PDCD6IP: variants seen among roughly 807,000 people sequenced by gnomAD.
PDCD6IP encodes programmed cell death 6-interacting protein.
Under a neutral mutation model 103.7 loss-of-function variants are expected in PDCD6IP, and 43 were observed. The ratio of observed to expected loss-of-function variants is 0.41; its 90% CI spans 0.32 to 0.53. The LOEUF (loss-of-function observed/expected upper bound fraction) is 0.53. Among genes scored for constraint, PDCD6IP ranks in the 20% least tolerant of loss-of-function variants. The probability of loss-of-function intolerance (pLI) is 0.16; values close to 1 mark genes in which losing one functional copy is unlikely to be tolerated. For synonymous variants in PDCD6IP, 354 were observed against 378.7 expected, an observed-to-expected ratio of 0.93 and a Z score of 0.76; for missense variants, 871 against 1,036.7, an observed-to-expected ratio of 0.84 and a Z score of 2.20.
chr3:33,826,712 G>C, intron 6 of PDCD6IP, 132 bp downstream of exon 6: 1 of 1,302,250 alleles, frequency 7.7e-7, no homozygotes, highest in Non-Finnish European at 1.0e-6. Context: ...GTATATAGTA[G>C]AAATAGTTTT....
chr3:33,824,813 A>G (rs1232179744), intron 4 of PDCD6IP, among the ~76,000 whole-genome samples: 1 of 152,206 alleles, frequency 6.6e-6, no homozygotes, highest in Admixed American at 6.5e-5. Context: ...TATTTGAAAG[A>G]TGAATTTGTT....
chr3:33,810,704 G>C (rs1696697343), intron 1 of PDCD6IP, among the ~76,000 whole-genome samples: 1 of 152,140 alleles, frequency 6.6e-6, no homozygotes, highest in African/African-American at 2.4e-5. Context: ...CAGCTCAGGG[G>C]CTAAAGTGGG....
At chr3:33,864,193 G>A (rs771973927) in intron 16 of PDCD6IP, 64 bp downstream of exon 16, 136 of 978,184 alleles carry the variant, frequency 1.4e-4, no homozygotes, top group Non-Finnish European at 2.0e-4. Flanking sequence ...TTGTTCTAAC[G>A]GATAAAACAT....
intron 15 of PDCD6IP, among the ~76,000 whole-genome samples, chr3:33,858,734 C>T (rs752894981): frequency 8.6e-5 from 13 of 151,726 alleles, no homozygotes; most frequent in Non-Finnish European, 1.8e-4. Flanking sequence ...GGCGTGAACC[C>T]GGGAGGCGGA....
intron 3 of PDCD6IP, among the ~76,000 whole-genome samples, chr3:33,814,486 C>T (rs1167026411): frequency 6.9e-6 from 1 of 145,668 alleles, no homozygotes; most frequent in Non-Finnish European, 1.5e-5. Flanking sequence ...GTCCTAAGAA[C>T]AGTGCTTTAT....
intron 1 of PDCD6IP, among the ~76,000 whole-genome samples, chr3:33,801,805 A>G (rs1274503680): frequency 6.6e-6 from 1 of 152,178 alleles, no homozygotes; most frequent in Non-Finnish European, 1.5e-5. Context: ...TATACCATTT[A>G]CCAGCATTGT....
At chr3:33,863,746 A>G (rs1301388151) in intron 15 of PDCD6IP, 3 of 425,902 alleles carry the variant, frequency 7.0e-6, no homozygotes, top group South Asian at 5.9e-5. Flanking sequence ...TCTTCAGTAT[A>G]TGGATATCCT....
intron 1 of PDCD6IP, among the ~76,000 whole-genome samples, chr3:33,805,139 G>A (rs1466149933): frequency 2.6e-5 from 4 of 151,870 alleles, no homozygotes; most frequent in African/African-American, 7.3e-5. Flanking sequence ...GGTGGATCAC[G>A]AGGTCAGGAG....
At chr3:33,855,357 A>G (rs1424695308) in intron 15 of PDCD6IP, 97 bp downstream of exon 15, 1 of 693,024 alleles carries the variant, frequency 1.4e-6, no homozygotes, top group Non-Finnish European at 2.6e-6. Context: ...TGAGATAGCA[A>G]TTTTCCTCTT....
rs1444133646 is a variant in PDCD6IP at position 33,798,860 on chromosome 3, G to A, written c.132G>A (p.Glu44=). Residue 44 remains glutamate (E), a synonymous_variant, in exon 1 of 18, where the codon GAG becomes GAA. Coordinates refer to ENST00000307296, the MANE Select transcript of PDCD6IP (RefSeq NM_013374.6). ...EEQAQYCRAA[E]ELSKLRRAAV... ...AGGCCCAGTACTGCCGCGCGGCGGA[G>A]GAGCTCAGCAAGCTGCGCCGCGCCG... is the stretch of plus-strand genomic sequence containing the variant. 6.4e-7 allele frequency: 1 copy of A among 1,552,542 alleles called. No homozygotes were observed. The highest frequency in any genetic ancestry group is 8.7e-7 in the Non-Finnish European group (1 of 1,147,734).
At chr3:33,821,912 G>GA (rs760291566) in intron 3 of PDCD6IP, 43 bp from the exon 4 acceptor site, 1 of 1,570,324 alleles carries the variant, frequency 6.4e-7, no homozygotes, top group Non-Finnish European at 8.7e-7. Context: ...GTTTTCTTTA[G>GA]AAAAAATAAT....
Position 33,864,018 on chromosome 3 carries a change from A to G in PDCD6IP, c.2133A>G (p.Gln711=). ...ERDELLKDLQ[Q]SIAREPSAPS... ...TGTCTTTGATAAGGGACTTGCAACA[A>G]AGCATTGCCAGAGAACCTAGTGCTC... Residue 711 remains glutamine (Q), a synonymous_variant, in exon 16 of 18, where the codon CAA becomes CAG. Coordinates refer to ENST00000307296, the MANE Select transcript of PDCD6IP (RefSeq NM_013374.6). The G allele has an allele frequency of 6.2e-7, 1 of 1,613,100 alleles. No individual in the cohort carries two copies.
intron 2 of PDCD6IP, among the ~76,000 whole-genome samples, chr3:33,812,815 A>G (rs1696749367): frequency 6.6e-6 from 1 of 152,222 alleles, no homozygotes; most frequent in Non-Finnish European, 1.5e-5. Flanking sequence ...TAGATGAACC[A>G]AGAAGGGCAA....
chr3:33,864,045 T>A lies in PDCD6IP; in HGVS notation c.2160T>A (p.Pro720=). ...QQSIAREPSA[P]SIPTPAYQSS... is the part of the protein sequence containing the mutation. ...GCATTGCCAGAGAACCTAGTGCTCC[T>A]TCAATTCCTACACCTGCGTATCAGT... Residue 720 remains proline, a synonymous_variant, in exon 16 of 18, where the codon CCT becomes CCA. Transcript: ENST00000307296. The A allele has an allele frequency of 6.2e-7, 1 of 1,614,028 alleles. No individual in the cohort carries two copies. The highest frequency in any genetic ancestry group is 8.5e-7 in the Non-Finnish European group (1 of 1,179,916).
chr3:33,831,582 G>T (rs1418629773), intron 7 of PDCD6IP, among the ~76,000 whole-genome samples: 1 of 151,986 alleles, frequency 6.6e-6, no homozygotes, highest in Non-Finnish European at 1.5e-5. Flanking sequence ...TATTTTGTGG[G>T]CTTGAAATTT....
chr3:33,838,338 C>G lies in PDCD6IP; in HGVS notation c.1181+11C>G. ...CACTTTGGCAAATGGGTAGGTAGAG[C>G]TTAATTTTAGAGCCTAAAGTTTTCC... On this transcript the variant is annotated intron_variant, in intron 9 of 17. Transcript: ENST00000307296. 6.2e-7 allele frequency: 1 copy of G among 1,602,164 alleles called. No homozygotes were observed. The highest frequency in any genetic ancestry group is 2.2e-5 in the East Asian group (1 of 44,790).
intron 12 of PDCD6IP, among the ~76,000 whole-genome samples, chr3:33,851,297 T>G (rs182569139): frequency 4.1e-4 from 62 of 151,656 alleles, no homozygotes; most frequent in African/African-American, 1.4e-3. Context: ...ATAGAGAGAT[T>G]GGGTTGATGT....
intron 7 of PDCD6IP, among the ~76,000 whole-genome samples, chr3:33,829,263 T>C (rs966882445): frequency 2.6e-5 from 4 of 152,244 alleles, no homozygotes; most frequent in African/African-American, 9.6e-5. Context: ...CTTTAGACTT[T>C]ACTGCATGGT....
chr3:33,845,240 C>A (rs1262255072), intron 11 of PDCD6IP, among the ~76,000 whole-genome samples, 179 bp from the exon 12 acceptor site: 6 of 152,032 alleles, frequency 3.9e-5, no homozygotes, highest in Admixed American at 3.9e-4. Flanking sequence ...GTGATTTTGT[C>A]ATCTTTCTAA....
Sources: gnomAD v4.1 joint callset for allele counts (sites outside exome capture counted in the v4.1 genomes callset) on GRCh38, gnomAD v4.1.1 for gene constraint, MANE v1.5 for transcripts, NCBI Gene and HGNC (gene_info 2026-07-23, HGNC 2026-07-21) for gene names.